The following SCAPER variants were observed in gnomAD, a reference collection of about 807,000 sequenced individuals.
SCAPER encodes S phase cyclin A-associated protein in the endoplasmic reticulum.
A neutral mutation model predicts 182.2 loss-of-function variants in SCAPER; 98 were observed. The ratio of observed to expected loss-of-function variants is 0.54; its 90% CI spans 0.46 to 0.64. The LOEUF is 0.64. Ranked by LOEUF, SCAPER falls within the 30% of genes least tolerant of loss-of-function variation. The pLI, the probability that SCAPER is intolerant of heterozygous loss-of-function variation, is 0.00. For missense variants in SCAPER, 1,432 were observed against 1,690.0 expected (o/e 0.85, Z 2.68); for synonymous variants, 605 against 564.6 (o/e 1.07, Z -1.01).
intron 22 of SCAPER, among the ~76,000 whole-genome samples, chr15:76,596,382 G>T (rs2049500083): frequency 8.7e-6 from 1 of 115,232 alleles, no homozygotes; most frequent in African/African-American, 2.6e-5. Flanking sequence ...TTCTACCAGA[G>T]GTACAAAGAG....
chr15:76,702,839 T>C lies in SCAPER; in HGVS notation c.2400+11A>G, dbSNP rs779435845. 12 of 1,592,144 alleles carry C rather than the reference T, an allele frequency of 7.5e-6. No homozygotes were observed. The highest frequency in any genetic ancestry group is 1.0e-5 in the Non-Finnish European group (12 of 1,174,464). Reference sequence around the variant, plus strand: ...AAACTATATCATTACAATATTGATATAACAACCTACCAGGACATTGCAGAG... The same window carrying C: ...AAACTATATCATTACAATATTGATACAACAACCTACCAGGACATTGCAGAG... On this transcript the variant is annotated intron_variant, in intron 19 of 31. Coordinates refer to ENST00000563290, the MANE Select transcript of SCAPER (RefSeq NM_020843.4).
At chr15:76,832,082 ATCT>A (rs1372746597) in intron 5 of SCAPER, among the ~76,000 whole-genome samples, 1 of 152,222 alleles carries the variant, frequency 6.6e-6, no homozygotes, top group African/African-American at 2.4e-5. Flanking sequence ...AAACCAGAGT[ATCT>A]TCTTATCTCC....
chr15:76,359,226 T>G (rs1033177292), intron 29 of SCAPER, among the ~76,000 whole-genome samples: 2 of 147,822 alleles, frequency 1.4e-5, no homozygotes, highest in African/African-American at 4.9e-5. Context: ...CCCAGCCCCA[T>G]CTCTCCATAA....
intron 23 of SCAPER, among the ~76,000 whole-genome samples, chr15:76,551,847 T>A (rs545967034): frequency 2.0e-5 from 3 of 152,172 alleles, no homozygotes; most frequent in Admixed American, 1.3e-4. Flanking sequence ...CAATTATATA[T>A]AAAATACAAC....
chr15:76,781,335 G>C (rs1394231809), intron 8 of SCAPER, among the ~76,000 whole-genome samples: 1 of 152,078 alleles, frequency 6.6e-6, no homozygotes, highest in Non-Finnish European at 1.5e-5. Flanking sequence ...GACAAGATTA[G>C]AGAAAAAAGA....
At chr15:76,456,055 T>A (rs1753926844) in intron 25 of SCAPER, among the ~76,000 whole-genome samples, 1 of 152,244 alleles carries the variant, frequency 6.6e-6, no homozygotes, top group South Asian at 2.1e-4. Flanking sequence ...ACATTTTCTT[T>A]ATCCAGTCTA....
At chr15:76,404,732 T>C (rs2044704309) in intron 26 of SCAPER, 53 bp from the exon 27 acceptor site, 1 of 1,553,910 alleles carries the variant, frequency 6.4e-7, no homozygotes, top group African/African-American at 1.4e-5. Flanking sequence ...CAGCAACATC[T>C]TCACCTTCAA....
chr15:76,561,169 A>C (rs1597391388), intron 23 of SCAPER, among the ~76,000 whole-genome samples: 3 of 152,238 alleles, frequency 2.0e-5, no homozygotes, highest in Admixed American at 2.0e-4. Context: ...ATGGAATACT[A>C]TCAGGCTGCT....
intron 22 of SCAPER, among the ~76,000 whole-genome samples, chr15:76,576,410 A>C (rs976908965): frequency 6.6e-6 from 1 of 152,220 alleles, no homozygotes; most frequent in Admixed American, 6.5e-5. Flanking sequence ...ACTTTCATGT[A>C]CATGATCTTA....
chr15:76,681,093 C>T (rs1345925848), intron 20 of SCAPER, among the ~76,000 whole-genome samples: 1 of 151,960 alleles, frequency 6.6e-6, no homozygotes, highest in African/African-American at 2.4e-5. Flanking sequence ...GGTGATGGTT[C>T]CATGGTGTTA....
At chr15:76,884,558 G>A (rs1178604086) in intron 1 of SCAPER, among the ~76,000 whole-genome samples, 2 of 152,162 alleles carry the variant, frequency 1.3e-5, no homozygotes, top group East Asian at 3.8e-4. Context: ...ACCTAACTCT[G>A]TATGAAGAGT....
chr15:76,730,922 A>C (rs564265976), intron 16 of SCAPER, among the ~76,000 whole-genome samples: 1 of 152,294 alleles, frequency 6.6e-6, no homozygotes, highest in Non-Finnish European at 1.5e-5. Flanking sequence ...GAAAAGAGAT[A>C]ACTGGACGTA....
chr15:76,841,793 G>A lies in SCAPER; in HGVS notation c.334C>T (p.Arg112Ter), dbSNP rs757834403. The A allele has an allele frequency of 2.0e-5, 33 of 1,613,718 alleles. No individual in the cohort carries two copies. The highest frequency in any genetic ancestry group is 2.5e-5 in the Non-Finnish European group (30 of 1,179,862). Residue 112 changes from arginine to a stop codon, truncating the protein, a stop_gained, in exon 5 of 32, where the codon CGA (arginine) becomes TGA (stop). Transcript: ENST00000563290. LOFTEE classifies it high-confidence loss of function. Reference sequence around the variant, plus strand: ...GTTACATAGATTTCATCTACTGCTCGGCGAAGATTATCAAAAAGAAATGCC... The same window carrying A: ...GTTACATAGATTTCATCTACTGCTCAGCGAAGATTATCAAAAAGAAATGCC... ...YWAFLFDNLR[R>*]AVDEIYVTCE... is the part of the protein sequence containing the mutation.
intron 22 of SCAPER, among the ~76,000 whole-genome samples, chr15:76,587,296 G>A (rs2048739789): frequency 6.6e-6 from 1 of 151,980 alleles, no homozygotes; most frequent in Non-Finnish European, 1.5e-5. Flanking sequence ...ATTTAGTTCT[G>A]CTCTGATCTT....
At chr15:76,631,705 GC>G (rs1276837773) in intron 21 of SCAPER, among the ~76,000 whole-genome samples, 1 of 152,048 alleles carries the variant, frequency 6.6e-6, no homozygotes, top group African/African-American at 2.4e-5. Flanking sequence ...TTTCTCTCTG[GC>G]TGCCCTTAAC....
intron 26 of SCAPER, among the ~76,000 whole-genome samples, chr15:76,406,615 TACACAC>T (rs36219509): frequency 0.47 from 70,338 of 149,312 alleles, 16,867 homozygotes; most frequent in Middle Eastern, 0.58. Context: ...AGACCCTGTC[TACACAC>T]ACACACACAC....
At chr15:76,539,067 TAA>T (rs564324949) in intron 23 of SCAPER, among the ~76,000 whole-genome samples, 10 of 141,122 alleles carry the variant, frequency 7.1e-5, no homozygotes, top group Non-Finnish European at 4.7e-5. Context: ...ATGTTGTAAG[TAA>T]AAAAAAAAAA....
At chr15:76,720,105 G>T (rs1034374803) in intron 17 of SCAPER, among the ~76,000 whole-genome samples, 1 of 118,806 alleles carries the variant, frequency 8.4e-6, no homozygotes, top group African/African-American at 3.4e-5. Context: ...ACAGTCCCCA[G>T]TGTGTGATGT....
At chr15:76,520,768 T>C (rs899787936) in intron 23 of SCAPER, among the ~76,000 whole-genome samples, 2 of 152,240 alleles carry the variant, frequency 1.3e-5, no homozygotes, top group East Asian at 1.9e-4. Flanking sequence ...CTTATGATTA[T>C]ATAAATAGTA....
Sources: gnomAD v4.1 joint callset for allele counts (sites outside exome capture counted in the v4.1 genomes callset) on GRCh38, gnomAD v4.1.1 for gene constraint, MANE v1.5 for transcripts, NCBI Gene and HGNC (gene_info 2026-07-23, HGNC 2026-07-21) for gene names.